The following PDS5B variants were observed in gnomAD, a reference collection of about 807,000 sequenced individuals.
The protein encoded by PDS5B is PDS5 cohesin associated factor B, also known as sister chromatid cohesion protein PDS5 homolog B.
PDS5B carries 51 observed loss-of-function variants against 184.1 expected under a neutral mutation model. That is an observed-to-expected ratio of 0.28 (90% CI 0.22 to 0.35). The LOEUF (loss-of-function observed/expected upper bound fraction) is 0.35. Among genes scored for constraint, PDS5B ranks in the 10% least tolerant of loss-of-function variants. The probability of loss-of-function intolerance (pLI) is 1.00; values close to 1 mark genes in which losing one functional copy is unlikely to be tolerated. For synonymous variants in PDS5B, 566 were observed against 569.2 expected, an observed-to-expected ratio of 0.99 and a Z score of 0.08; for missense variants, 1,180 against 1,723.3, an observed-to-expected ratio of 0.68 and a Z score of 5.58.
At chr13:32,720,036 A>T (rs1952616130) in intron 19 of PDS5B, among the ~76,000 whole-genome samples, 1 of 151,816 alleles carries the variant, frequency 6.6e-6, no homozygotes, top group African/African-American at 2.4e-5. Flanking sequence ...GGCCTTAAGT[A>T]ATCTGTCCGC....
intron 10 of PDS5B, among the ~76,000 whole-genome samples, chr13:32,681,388 C>T (rs1316495716): frequency 2.6e-5 from 4 of 151,952 alleles, no homozygotes; most frequent in Admixed American, 2.6e-4. Flanking sequence ...TTTGGGAGGC[C>T]GAGGCGGGCA....
chr13:32,755,546 G>A (rs915419820), intron 25 of PDS5B, among the ~76,000 whole-genome samples: 6 of 151,954 alleles, frequency 3.9e-5, no homozygotes, highest in East Asian at 1.9e-4. Flanking sequence ...TTTTCCTTAC[G>A]TATTTTAAAA....
At chr13:32,761,167 G>T (rs2141016198) in intron 30 of PDS5B, among the ~76,000 whole-genome samples, 1 of 152,200 alleles carries the variant, frequency 6.6e-6, no homozygotes, top group South Asian at 2.1e-4. Context: ...GTTCACATTT[G>T]TTTTTATATG....
chr13:32,731,468 T>C (rs535637083), intron 19 of PDS5B, among the ~76,000 whole-genome samples: 3 of 152,222 alleles, frequency 2.0e-5, no homozygotes, highest in African/African-American at 7.2e-5. Flanking sequence ...GTAATTCTCT[T>C]ATACCTCCCT....
intron 1 of PDS5B, among the ~76,000 whole-genome samples, chr13:32,626,299 G>A (rs911798475): frequency 6.1e-4 from 93 of 152,166 alleles, no homozygotes; most frequent in Admixed American, 6.0e-3. Flanking sequence ...GTGGTCCTAT[G>A]TTCCTCCTCA....
intron 27 of PDS5B, 96 bp from the exon 28 acceptor site, chr13:32,758,438 T>C (rs1784334652): frequency 8.2e-7 from 1 of 1,216,972 alleles, no homozygotes; most frequent in Non-Finnish European, 1.2e-6. Flanking sequence ...ATTAGTTTGC[T>C]ATTCAGACTG....
chr13:32,731,406 T>C (rs1261851067), intron 19 of PDS5B, among the ~76,000 whole-genome samples: 1 of 152,166 alleles, frequency 6.6e-6, no homozygotes, highest in Non-Finnish European at 1.5e-5. Context: ...AGTACCTCCC[T>C]CAGAACTCTG....
At chr13:32,593,815 CTTG>C (rs1327388197) in intron 1 of PDS5B, among the ~76,000 whole-genome samples, 2 of 151,894 alleles carry the variant, frequency 1.3e-5, no homozygotes, top group African/African-American at 2.4e-5. Flanking sequence ...AAGGATTAGT[CTTG>C]TTGTCTCGAG....
intron 7 of PDS5B, among the ~76,000 whole-genome samples, chr13:32,670,810 T>C (rs115933228): frequency 2.0e-3 from 311 of 152,314 alleles, no homozygotes; most frequent in African/African-American, 7.3e-3. Context: ...AATTGCTTAA[T>C]TCCACTGAGC....
chr13:32,665,650 G>A (rs1566302506), intron 6 of PDS5B, among the ~76,000 whole-genome samples: 1 of 136,976 alleles, frequency 7.3e-6, no homozygotes, highest in Non-Finnish European at 1.6e-5. Flanking sequence ...AGATAGGAAT[G>A]AATTTCTTAA....
chr13:32,601,950 T>G (rs968462781), intron 1 of PDS5B, among the ~76,000 whole-genome samples: 2 of 152,252 alleles, frequency 1.3e-5, no homozygotes, highest in Non-Finnish European at 2.9e-5. Context: ...GATTTTTCTT[T>G]TGAATTTGAA....
At chr13:32,694,016 G>A (rs1407809282) in intron 13 of PDS5B, among the ~76,000 whole-genome samples, 1 of 150,830 alleles carries the variant, frequency 6.6e-6, no homozygotes, top group African/African-American at 2.4e-5. Flanking sequence ...ACCCTAATTC[G>A]ACCACTGATT....
At chr13:32,718,839 C>A (rs558134678) in intron 19 of PDS5B, among the ~76,000 whole-genome samples, 1 of 152,138 alleles carries the variant, frequency 6.6e-6, no homozygotes, top group African/African-American at 2.4e-5. Context: ...ATCAGAAGAC[C>A]TAGAAGTAAA....
intron 1 of PDS5B, among the ~76,000 whole-genome samples, chr13:32,629,330 C>G (rs1190453103): frequency 6.6e-6 from 1 of 151,264 alleles, no homozygotes; most frequent in Non-Finnish European, 1.5e-5. Context: ...TTTTTGGATA[C>G]CTTGTGTTGG....
At chr13:32,726,941 TTAAA>T (rs1952920694) in intron 19 of PDS5B, among the ~76,000 whole-genome samples, 1 of 152,184 alleles carries the variant, frequency 6.6e-6, no homozygotes, top group Non-Finnish European at 1.5e-5. Flanking sequence ...TTATTTATTT[TTAAA>T]TAAATGTCCT....
At chr13:32,694,079 A>G (rs1011121864) in intron 13 of PDS5B, 144 bp from the exon 14 acceptor site, 4 of 591,234 alleles carry the variant, frequency 6.8e-6, no homozygotes, top group African/African-American at 3.9e-5. Flanking sequence ...CCCTCTACAC[A>G]TTATCAGTTG....
rs756741816 is a variant in PDS5B, at chr13:32,742,609, A to T, written c.2494A>T (p.Met832Leu). 6 of 1,611,730 alleles carry T rather than the reference A, an allele frequency of 3.7e-6. No homozygotes were observed. Among genetic ancestry groups the T allele is most frequent in the Middle Eastern group, 1.7e-4 (1 of 6,052 alleles). Residue 832 changes from methionine (M) to leucine (L), a missense_variant, in exon 23 of 35, where the codon ATG (methionine) becomes TTG (leucine). Transcript: ENST00000315596. ...TAAATAGATTCAGGCTATTAAAATG[A>T]TGGTTCGATGGCTACTTGGAATGAA... ...TMVKIQAIKM[M>L]VRWLLGMKNN...
intron 24 of PDS5B, among the ~76,000 whole-genome samples, chr13:32,748,058 G>C (rs1034965321): frequency 2.5e-4 from 38 of 152,120 alleles, no homozygotes; most frequent in Admixed American, 3.9e-4. Flanking sequence ...GATTGCTTTG[G>C]AATTATCTTG....
intron 1 of PDS5B, among the ~76,000 whole-genome samples, chr13:32,606,430 A>G (rs1473987809): frequency 6.6e-6 from 1 of 152,130 alleles, no homozygotes; most frequent in African/African-American, 2.4e-5. Context: ...TTCTGCCGAG[A>G]GGTCTGCTGT....
Sources: allele counts gnomAD v4.1 joint callset (sites outside exome capture counted in the v4.1 genomes callset), GRCh38; gene constraint gnomAD v4.1.1; transcripts MANE v1.5; gene names NCBI Gene and HGNC (gene_info 2026-07-23, HGNC 2026-07-21).